C1orf162: variants seen among roughly 807,000 people sequenced by gnomAD.
C1orf162 encodes transmembrane protein C1orf162.
Under a neutral mutation model 11.4 loss-of-function variants are expected in C1orf162, and 10 were observed. The observed-to-expected ratio is 0.88, with a 90% confidence interval of 0.54 to 1.48. The LOEUF is 1.48. C1orf162 is among the 40% of genes most tolerant of loss of function. C1orf162 has a pLI of 0.00. For missense variants in C1orf162, 140 were observed against 149.5 expected (o/e 0.94, Z 0.33); for synonymous variants, 53 against 55.0 (o/e 0.96, Z 0.16).
In C1orf162 at chr1:111,478,146, G is replaced by C. The variant is rs1410987239; in HGVS notation, c.*23G>C. 1 of 1,613,510 alleles carries C rather than the reference G, an allele frequency of 6.2e-7. No homozygotes were observed. Among genetic ancestry groups the C allele is most frequent in the Non-Finnish European group, 8.5e-7 (1 of 1,179,630 alleles). On this transcript the variant is annotated 3_prime_UTR_variant, in exon 6 of 6. Transcript: ENST00000369718. ...TAACTCAGCTTTTCCAATGAGGCTT[G>C]AATCCATTTCCTCTCATCTCAGCCC...
At chr1:111,476,176 GAAGA>G in intron 2 of C1orf162, 111 bp downstream of exon 2, 1 of 1,086,946 alleles carries the variant, frequency 9.2e-7, no homozygotes, top group Non-Finnish European at 1.4e-6. Context: ...TCTGAAACTG[GAAGA>G]ATCCAATTTT....
At position 111,476,035 on chromosome 1, in the gene C1orf162, G is replaced by A. The variant is rs6703267; in HGVS notation, c.7G>A (p.Gly3Ser). MG[G>S]NGSTCKPDTE... is the part of the protein sequence containing the mutation. ...ATTCTCAGGGGATGACAGCATGGGA[G>A]GCAATGGCTCCACATGTAAACCCGA... The change falls in exon 2 of 6, where the codon GGC becomes AGC. Residue 3 changes from glycine (G) to serine (S), a missense_variant. Physicochemically the swap from Gly to Ser is moderately conservative, Grantham distance 56. Coordinates refer to ENST00000369718, the MANE Select transcript of C1orf162 (RefSeq NM_001300834.2). 419,943 of 1,610,756 alleles carry A rather than the reference G, an allele frequency of 0.26. 56,800 individuals are homozygous for A. The highest frequency in any genetic ancestry group is 0.28 in the Non-Finnish European group (329,519 of 1,177,148).
chr1:111,477,597 CCT>C, intron 4 of C1orf162, 127 bp from the exon 5 acceptor site: 3 of 1,483,742 alleles, frequency 2.0e-6, no homozygotes, highest in Non-Finnish European at 2.7e-6. Context: ...TTTCTTCCGC[CCT>C]GCCCCCCACC....
At chr1:111,477,283 A>G (rs1241564930) in intron 3 of C1orf162, 51 bp from the exon 4 acceptor site, 1 of 1,467,256 alleles carries the variant, frequency 6.8e-7, no homozygotes, top group Admixed American at 1.7e-5. Flanking sequence ...TCTTTAGGAA[A>G]GGCCTTCAAA....
At chr1:111,474,877 A>G (rs575032627) in intron 1 of C1orf162, 2 of 152,340 alleles carry the variant, frequency 1.3e-5, no homozygotes, top group Admixed American at 1.3e-4. Flanking sequence ...TTGGAAGTTA[A>G]CTTTTGAGAG....
rs761983469 is a variant in C1orf162 at position 111,476,864 on chromosome 1, A to C, written c.104A>C (p.His35Pro). The C allele has an allele frequency of 5.0e-6, 8 of 1,613,240 alleles. No homozygotes were observed. Among genetic ancestry groups the C allele is most frequent in the African/African-American group, 1.3e-5 (1 of 74,874 alleles). ...CCTGCACCCTGTCTCTCTAACCACC[A>C]CAAGTAAATGAGCATTCTCCTATCT... The part of the protein sequence containing the change: ...TSPAPCLSNH[H>P]NKKHLILAFC... The change falls in exon 3 of 6, where the codon CAC becomes CCC. Residue 35 changes from histidine (H) to proline (P), a missense_variant. Transcript: ENST00000369718.
intron 3 of C1orf162, 121 bp from the exon 4 acceptor site, chr1:111,477,213 G>A (rs1177885600): frequency 1.1e-6 from 1 of 881,830 alleles, no homozygotes; most frequent in Non-Finnish European, 1.8e-6. Flanking sequence ...CTGGGTGAAA[G>A]TTCATTAATC....
chr1:111,478,468 A>C lies in C1orf162; in HGVS notation c.*345A>C. 4.3e-6 allele frequency: 1 copy of C among 233,116 alleles called. No individual in the cohort carries two copies. The highest frequency in any genetic ancestry group is 8.5e-6 in the Non-Finnish European group (1 of 117,672). The allele number at this position is 233,116 out of a possible 1,614,324, so 14.4% of individuals were successfully genotyped here. ...AATCAACTTGGGAGGAGTCAACCAA[A>C]TGAACAATCTACCAAAAATTTCAAA... On this transcript the variant is annotated 3_prime_UTR_variant, in exon 6 of 6. Transcript: ENST00000369718.
intron 4 of C1orf162, 88 bp downstream of exon 4, chr1:111,477,516 G>A (rs1003823977): frequency 8.1e-6 from 12 of 1,487,514 alleles, no homozygotes; most frequent in Non-Finnish European, 9.4e-6. Context: ...GAGGAGGTAG[G>A]GGAGGGTGCA....
At chr1:111,477,165 A>T in intron 3 of C1orf162, 169 bp from the exon 4 acceptor site, 1 of 676,078 alleles carries the variant, frequency 1.5e-6, no homozygotes, top group Non-Finnish European at 2.6e-6. Flanking sequence ...CTGAGGCCTC[A>T]AATGGATGTG....
chr1:111,475,529 G>GAGTA (rs1557808092), intron 1 of C1orf162: 1 of 161,540 alleles, frequency 6.2e-6, no homozygotes, highest in Non-Finnish European at 1.4e-5. Flanking sequence ...TGCCAGGGAA[G>GAGTA]AGTAAGATTG....
chr1:111,477,012 A>C, intron 3 of C1orf162, 145 bp downstream of exon 3: 7 of 881,110 alleles, frequency 7.9e-6, no homozygotes, highest in Non-Finnish European at 1.3e-5. Flanking sequence ...TTGTGATCTC[A>C]GGAGTATGGC....
intron 1 of C1orf162, 173 bp from the exon 2 acceptor site, chr1:111,475,845 A>C (rs763535175): frequency 3.7e-6 from 2 of 538,712 alleles, no homozygotes; most frequent in African/African-American, 3.7e-5. Context: ...TGCAGAAACA[A>C]CACCAGAATT....
intron 2 of C1orf162, 80 bp from the exon 3 acceptor site, chr1:111,476,717 TG>T: frequency 7.1e-7 from 1 of 1,409,290 alleles, no homozygotes; most frequent in Non-Finnish European, 1.0e-6. Context: ...TTGGGTAGAA[TG>T]GGGCACCTGG....
chr1:111,474,727 C>A (rs758426073), intron 1 of C1orf162: 4 of 152,050 alleles, frequency 2.6e-5, no homozygotes, highest in Non-Finnish European at 5.9e-5. Context: ...TTCCCGTTGG[C>A]CCTTTTCTTA....
intron 1 of C1orf162, among the ~76,000 whole-genome samples, 194 bp downstream of exon 1, chr1:111,474,224 G>T (rs2101769017): frequency 6.6e-6 from 1 of 152,336 alleles, no homozygotes. Flanking sequence ...ACGTGAAAAA[G>T]TATATATAGC....
intron 1 of C1orf162, chr1:111,475,405 C>CAA (rs1653957234): frequency 6.6e-6 from 1 of 152,090 alleles, no homozygotes; most frequent in Non-Finnish European, 1.5e-5. Flanking sequence ...GATATAAAGC[C>CAA]TAAACAAGAA....
At position 111,476,027 on chromosome 1, in the gene C1orf162, G is replaced by T. The variant is rs138773319; in HGVS notation, c.-2G>T. 899 of 1,613,152 alleles carry T rather than the reference G, an allele frequency of 5.6e-4. 1 individual carries two copies. Among genetic ancestry groups the T allele is most frequent in the Admixed American group, 1.2e-3 (72 of 60,016 alleles). ...CTTGTTTTATTCTCAGGGGATGACA[G>T]CATGGGAGGCAATGGCTCCACATGT... On this transcript the variant is annotated 5_prime_UTR_variant, in exon 2 of 6. Transcript: ENST00000369718.
In C1orf162 at chr1:111,477,122, A is replaced by G; in HGVS notation, c.108-212A>G. ...GGAATTATGAACATTGTGTGGGTTG[A>G]GGGAGGGGGAGAGGAAGAGGCCACA... On this transcript the variant is annotated intron_variant, in intron 3 of 5. Coordinates refer to ENST00000369718, the MANE Select transcript of C1orf162 (RefSeq NM_001300834.2). 6 of 633,584 alleles carry G rather than the reference A, an allele frequency of 9.5e-6. No individual in the cohort carries two copies. The Admixed American group carries it at 1.4e-4, about 15-fold the overall frequency. The allele number at this position is 633,584 out of a possible 1,614,324, so 39.2% of individuals were successfully genotyped here.
Sources: gnomAD v4.1 joint callset for allele counts (sites outside exome capture counted in the v4.1 genomes callset) on GRCh38, gnomAD v4.1.1 for gene constraint, MANE v1.5 for transcripts, NCBI Gene and HGNC (gene_info 2026-07-23, HGNC 2026-07-21) for gene names.